SEMA6A: variants seen among roughly 807,000 people sequenced by gnomAD.
The protein encoded by SEMA6A is semaphorin-6A.
In SEMA6A, 25 loss-of-function variants were observed where a neutral mutation model predicts 96.8. The observed-to-expected ratio is 0.26, with a 90% CI of 0.19 to 0.36. The LOEUF (loss-of-function observed/expected upper bound fraction) is 0.36, where lower values mean the gene tolerates loss of function less well. Ranked by LOEUF, SEMA6A falls within the 10% of genes least tolerant of loss-of-function variation. The pLI, the probability that SEMA6A is intolerant of heterozygous loss-of-function variation, is 1.00. For synonymous variants in SEMA6A, 612 were observed against 518.0 expected, an observed-to-expected ratio of 1.18 and a Z score of -2.46; for missense variants, 1,363 against 1,323.1, an observed-to-expected ratio of 1.03 and a Z score of -0.47.
rs145064888 is a variant in SEMA6A at position 116,542,713 on chromosome 5, A to G, written c.-39+31472T>C. Among the ~76,000 whole-genome samples, 650 of 152,332 alleles carry G rather than the reference A, an allele frequency of 4.3e-3. 9 individuals carry two copies. The highest frequency in any genetic ancestry group is 0.015 in the African/African-American group (633 of 41,578). ...CACCGCAAAACCTGTGAGGGTTACC[A>G]TTATCTTAAACCCTGGTCAAGCTAG... On this transcript the variant is annotated intron_variant, in intron 1 of 18. Transcript: ENST00000343348.
intron 1 of SEMA6A, among the ~76,000 whole-genome samples, chr5:116,529,818 CAATA>C (rs1352617573): frequency 6.6e-6 from 1 of 152,004 alleles, no homozygotes; most frequent in African/African-American, 2.4e-5. Context: ...AAGATGGAAA[CAATA>C]AACACGGGAG....
chr5:116,564,768 C>T (rs190468392), intron 1 of SEMA6A, among the ~76,000 whole-genome samples: 266 of 152,234 alleles, frequency 1.7e-3, no homozygotes, highest in African/African-American at 5.8e-3. Context: ...ATATACTATT[C>T]ACGAGTTGAC....
chr5:116,495,269 C>T (rs773622650), intron 6 of SEMA6A, 144 bp downstream of exon 6: 2 of 679,414 alleles, frequency 2.9e-6, no homozygotes, highest in Non-Finnish European at 5.3e-6. Flanking sequence ...TAGGATCACT[C>T]ATGTGGAGCA....
chr5:116,557,261 T>C (rs957977957), intron 1 of SEMA6A, among the ~76,000 whole-genome samples: 2 of 152,230 alleles, frequency 1.3e-5, no homozygotes, highest in Non-Finnish European at 2.9e-5. Context: ...AGAGTCTCAT[T>C]CTGTCTCCCA....
intron 5 of SEMA6A, 133 bp downstream of exon 5, chr5:116,496,118 G>T: frequency 2.7e-6 from 2 of 740,912 alleles, no homozygotes; most frequent in Non-Finnish European, 4.5e-6. Flanking sequence ...CCTTCAGTAA[G>T]TTGATGAAAA....
At position 116,475,740 on chromosome 5, in the gene SEMA6A, G is replaced by A. The variant is rs563429614; in HGVS notation, c.1650-137C>T. On this transcript the variant is annotated intron_variant, in intron 15 of 18. Transcript: ENST00000343348. ...AGGTGCAAAAAAGAAATACATAACA[G>A]CTTTAAAATTTATCTCTGAAGTTTA... is the stretch of plus-strand genomic sequence containing the variant. 8.5e-5 allele frequency: 48 copies of A among 562,116 alleles called. No individual in the cohort carries two copies. The South Asian group carries it at 1.2e-3, about 14-fold the overall frequency. The allele number at this position is 562,116 out of a possible 1,614,324, so 34.8% of individuals were successfully genotyped here.
intron 3 of SEMA6A, among the ~76,000 whole-genome samples, chr5:116,499,599 G>A (rs915403982): frequency 3.9e-5 from 6 of 152,312 alleles, no homozygotes; most frequent in African/African-American, 1.4e-4. Flanking sequence ...GGTGGGCATG[G>A]AACTCCTTTA....
At chr5:116,565,238 T>A (rs1394584743) in intron 1 of SEMA6A, among the ~76,000 whole-genome samples, 1 of 152,208 alleles carries the variant, frequency 6.6e-6, no homozygotes, top group Non-Finnish European at 1.5e-5. Context: ...CTCTCAGAAG[T>A]TGCCTCTTTT....
intron 1 of SEMA6A, among the ~76,000 whole-genome samples, chr5:116,549,949 C>T (rs1306818807): frequency 1.3e-5 from 2 of 152,262 alleles, no homozygotes; most frequent in Non-Finnish European, 2.9e-5. Flanking sequence ...ATGCCAGTTA[C>T]ATTGCTCTTG....
chr5:116,535,483 G>T (rs1286038518), intron 1 of SEMA6A, among the ~76,000 whole-genome samples: 1 of 152,194 alleles, frequency 6.6e-6, no homozygotes, highest in African/African-American at 2.4e-5. Flanking sequence ...TAATAAGTAT[G>T]TGATCTTTGG....
intron 18 of SEMA6A, among the ~76,000 whole-genome samples, chr5:116,450,459 C>T (rs1399031383): frequency 1.3e-5 from 2 of 152,206 alleles, no homozygotes; most frequent in Non-Finnish European, 2.9e-5. Context: ...TCATTGGTTT[C>T]ACTGGGAAAA....
At chr5:116,555,139 C>T (rs1317321934) in intron 1 of SEMA6A, among the ~76,000 whole-genome samples, 1 of 152,204 alleles carries the variant, frequency 6.6e-6, no homozygotes, top group African/African-American at 2.4e-5. Flanking sequence ...CTTTTGTTAG[C>T]ACATTCCCTA....
intron 18 of SEMA6A, among the ~76,000 whole-genome samples, chr5:116,457,704 AAT>A (rs1394931629): frequency 1.1e-4 from 16 of 152,262 alleles, no homozygotes; most frequent in African/African-American, 3.8e-4. Flanking sequence ...AGTATATTTT[AAT>A]ATATCCACTA....
intron 16 of SEMA6A, among the ~76,000 whole-genome samples, chr5:116,474,788 T>C (rs1756367393): frequency 6.6e-6 from 1 of 152,212 alleles, no homozygotes; most frequent in Non-Finnish European, 1.5e-5. Flanking sequence ...ATTCAGCATA[T>C]ATAACATTCG....
At position 116,473,061 on chromosome 5, in the gene SEMA6A, T is replaced by C. The variant is rs1411215778; in HGVS notation, c.1729+12A>G. On this transcript the variant is annotated intron_variant, in intron 17 of 18. Transcript: ENST00000343348. ...CACCAGTATGGAATTATGAGAGTAA[T>C]ATCTTCCTTACCATTCAGTGCCACA... The C allele has an allele frequency of 6.3e-7, 1 of 1,590,888 alleles. No individual in the cohort carries two copies. The highest frequency in any genetic ancestry group is 1.3e-5 in the African/African-American group (1 of 74,584).
intron 1 of SEMA6A, among the ~76,000 whole-genome samples, chr5:116,536,866 T>TAAAAAAAAAAAAA (rs72214884): frequency 9.8e-4 from 68 of 69,486 alleles, no homozygotes; most frequent in Admixed American, 1.7e-3. Flanking sequence ...TGTGATTTCT[T>TAAAAAAAAAAAAA]AAAAAAAAAA....
chr5:116,466,787 G>A (rs1185880397), intron 18 of SEMA6A, among the ~76,000 whole-genome samples: 2 of 152,108 alleles, frequency 1.3e-5, no homozygotes, highest in Non-Finnish European at 2.9e-5. Flanking sequence ...CAACATAACT[G>A]GGCTTTTCAG....
chr5:116,530,298 C>T (rs1489200325), intron 1 of SEMA6A, among the ~76,000 whole-genome samples: 1 of 152,110 alleles, frequency 6.6e-6, no homozygotes, highest in Non-Finnish European at 1.5e-5. Flanking sequence ...AGTAATTGTG[C>T]AAATTCCAGT....
chr5:116,488,036 A>G, intron 9 of SEMA6A, 72 bp downstream of exon 9: 1 of 984,980 alleles, frequency 1.0e-6, no homozygotes, highest in South Asian at 1.5e-5. Flanking sequence ...GATCATTTAT[A>G]ACAACATTTG....
Sources: gnomAD v4.1 joint callset for allele counts (sites outside exome capture counted in the v4.1 genomes callset) on GRCh38, gnomAD v4.1.1 for gene constraint, MANE v1.5 for transcripts, NCBI Gene and HGNC (gene_info 2026-07-23, HGNC 2026-07-21) for gene names.